MAL: variants seen among roughly 807,000 people sequenced by gnomAD.
The protein encoded by MAL is mal, T cell differentiation protein (MAL blood group), also known as myelin and lymphocyte protein.
A neutral mutation model predicts 16.7 loss-of-function variants in MAL; 5 were observed. That is an observed-to-expected ratio of 0.30 (90% confidence interval 0.16 to 0.63). MAL has a LOEUF of 0.63. Ranked by LOEUF, MAL falls within the 30% of genes least tolerant of loss-of-function variation. MAL has a pLI of 0.82. For synonymous variants in MAL, 96 were observed against 85.5 expected (o/e 1.12, Z -0.67); for missense variants, 202 against 195.8 (o/e 1.03, Z -0.19).
chr2:95,025,855 C>T lies in MAL; in HGVS notation c.63C>T (p.Thr21=), dbSNP rs774420361. 19 of 1,576,214 alleles carry T rather than the reference C, an allele frequency of 1.2e-5. No homozygotes were observed. The highest frequency in any genetic ancestry group is 5.4e-5 in the African/African-American group (4 of 73,400). Residue 21 remains threonine (T), a synonymous_variant, in exon 1 of 4, where the codon ACC becomes ACT. Transcript: ENST00000309988. The surrounding 1 kb of genome is among the most constrained non-coding windows in gnomAD (Gnocchi z 5.6). ...TLPSGFSVFT[T]LPDLLFIFEF... ...CCAGTGGCTTCTCGGTCTTCACCAC[C>T]TTGCCCGACTTGCTCTTCATCTTTG...
At chr2:95,053,148 AC>A (rs1301356703) in intron 3 of MAL, 1 of 463,266 alleles carries the variant, frequency 2.2e-6, no homozygotes, top group African/African-American at 1.9e-5. Context: ...GGAGAGTCTT[AC>A]CTTCCACACC....
rs756474748 is a variant in MAL at position 95,025,806 on chromosome 2, C to T, written c.14C>T (p.Ala5Val). Reference protein sequence around the residue: MAPAAATGGSTLPSG... With the variant: MAPAVATGGSTLPSG... ...CAGCACGCCGTCATGGCCCCCGCAG[C>T]GGCGACGGGGGGCAGCACCCTGCCC... The change falls in exon 1 of 4, where the codon GCG (alanine) becomes GTG (valine). Residue 5 changes from alanine to valine, a missense_variant. Coordinates refer to ENST00000309988, the MANE Select transcript of MAL (RefSeq NM_002371.4). The surrounding 1 kb of genome is among the most constrained non-coding windows in gnomAD (Gnocchi z 5.6). The T allele has an allele frequency of 3.2e-6, 5 of 1,558,838 alleles. No individual in the cohort carries two copies. Among genetic ancestry groups the T allele is most frequent in the Non-Finnish European group, 4.3e-6 (5 of 1,152,784 alleles).
At chr2:95,043,200 G>T (rs1032927786) in intron 1 of MAL, among the ~76,000 whole-genome samples, 2 of 152,196 alleles carry the variant, frequency 1.3e-5, no homozygotes, top group Non-Finnish European at 2.9e-5. Flanking sequence ...TCTCTCCAAG[G>T]CTCGACTGAC....
At chr2:95,037,774 G>A (rs1375091205) in intron 1 of MAL, among the ~76,000 whole-genome samples, 4 of 151,966 alleles carry the variant, frequency 2.6e-5, no homozygotes, top group African/African-American at 9.7e-5. Flanking sequence ...GTGACTGAGT[G>A]AGTGACTGAG....
intron 1 of MAL, among the ~76,000 whole-genome samples, chr2:95,040,724 G>T (rs1674441288): frequency 6.6e-6 from 1 of 152,202 alleles, no homozygotes; most frequent in Middle Eastern, 3.2e-3. Context: ...ACGGGGATGA[G>T]TCCACATGCC....
chr2:95,047,364 T>C (rs967732237), intron 1 of MAL, among the ~76,000 whole-genome samples: 3 of 152,312 alleles, frequency 2.0e-5, no homozygotes, highest in Middle Eastern at 3.4e-3. Flanking sequence ...GTGCTTAGGA[T>C]AGTGCCTGGA....
At chr2:95,046,944 GAA>G (rs1674601991) in intron 1 of MAL, among the ~76,000 whole-genome samples, 1 of 139,704 alleles carries the variant, frequency 7.2e-6, no homozygotes, top group African/African-American at 2.7e-5. Flanking sequence ...GAGAAAGAAA[GAA>G]AGAGAAAAAA....
chr2:95,027,444 C>T (rs895144172), intron 1 of MAL, among the ~76,000 whole-genome samples: 14 of 152,210 alleles, frequency 9.2e-5, no homozygotes, highest in Admixed American at 4.6e-4. Flanking sequence ...AAAGTCACTT[C>T]TCCACCTCAC....
intron 1 of MAL, among the ~76,000 whole-genome samples, chr2:95,031,242 G>A (rs1558655980): frequency 6.6e-6 from 1 of 152,160 alleles, no homozygotes; most frequent in Non-Finnish European, 1.5e-5. Context: ...GATTTTGCTT[G>A]CACTAGAAGG....
At chr2:95,050,040 A>G (rs537793361) in intron 3 of MAL, among the ~76,000 whole-genome samples, 19 of 152,172 alleles carry the variant, frequency 1.2e-4, no homozygotes, top group Non-Finnish European at 2.2e-4. Context: ...CCTACAACCC[A>G]GGATTATGAC....
chr2:95,030,270 G>T (rs1354902220), intron 1 of MAL, among the ~76,000 whole-genome samples: 1 of 152,218 alleles, frequency 6.6e-6, no homozygotes, highest in Non-Finnish European at 1.5e-5. Context: ...AGCCACAGAG[G>T]CTGTGCCCCT....
chr2:95,053,493 T>C lies in MAL; in HGVS notation c.*38T>C. 1 of 1,475,118 alleles carries C rather than the reference T, an allele frequency of 6.8e-7. No individual in the cohort carries two copies. Among genetic ancestry groups the C allele is most frequent in the South Asian group, 1.1e-5 (1 of 88,110 alleles). 91.4% of individuals were successfully genotyped at this position (1,475,118 alleles called of 1,614,324 possible). A position where few individuals can be genotyped will look rare whatever the true frequency, so the allele number is the denominator to read the frequency against. ...ACTTGAGCTGAAAACCCAGATGGTGTTAACTGGCCGCCCCACTTTCCGGCA... is the reference window on the plus strand; with the variant it reads ...ACTTGAGCTGAAAACCCAGATGGTGCTAACTGGCCGCCCCACTTTCCGGCA... On this transcript the variant is annotated 3_prime_UTR_variant, in exon 4 of 4. Coordinates refer to ENST00000309988, the MANE Select transcript of MAL (RefSeq NM_002371.4).
At chr2:95,043,311 C>T (rs976738317) in intron 1 of MAL, among the ~76,000 whole-genome samples, 2 of 152,272 alleles carry the variant, frequency 1.3e-5, no homozygotes, top group African/African-American at 4.8e-5. Flanking sequence ...CTGTCAGCCT[C>T]CTGCATGAAC....
At chr2:95,026,505 G>A (rs889281112) in intron 1 of MAL, 3 of 137,026 alleles carry the variant, frequency 2.2e-5, no homozygotes, top group African/African-American at 2.6e-5. Context: ...TGGAGGAGAT[G>A]GGGGGTGGGG....
chr2:95,028,526 C>T (rs1674003773), intron 1 of MAL, among the ~76,000 whole-genome samples: 1 of 152,066 alleles, frequency 6.6e-6, no homozygotes, highest in Non-Finnish European at 1.5e-5. Flanking sequence ...TTTGGTGTTC[C>T]CTCAAAAAAT....
intron 1 of MAL, among the ~76,000 whole-genome samples, chr2:95,040,412 C>T (rs1404478822): frequency 6.6e-6 from 1 of 152,134 alleles, no homozygotes; most frequent in African/African-American, 2.4e-5. Context: ...CACACACACA[C>T]ATACACATAC....
intron 1 of MAL, among the ~76,000 whole-genome samples, chr2:95,027,463 C>T (rs1673970306): frequency 6.6e-6 from 1 of 152,186 alleles, no homozygotes; most frequent in Admixed American, 6.5e-5. Flanking sequence ...ACCCCTGTTC[C>T]CCACCTCCCT....
rs565073649 is a variant in MAL at position 95,053,577 on chromosome 2, C to G, written c.*122C>G. 1.8e-5 allele frequency: 13 copies of G among 740,362 alleles called. No individual in the cohort carries two copies. Among genetic ancestry groups the G allele is most frequent in the South Asian group, 5.2e-5 (3 of 57,294 alleles). 45.9% of individuals were successfully genotyped at this position (740,362 alleles called of 1,614,324 possible). ...TGGAAAAAAGAAAACAACCACCCCCCCACTGCCCAAAAAAAAAAGCCCTGC... is the reference window on the plus strand; with the variant it reads ...TGGAAAAAAGAAAACAACCACCCCCGCACTGCCCAAAAAAAAAAGCCCTGC... On this transcript the variant is annotated 3_prime_UTR_variant, in exon 4 of 4. Transcript: ENST00000309988.
chr2:95,044,683 G>A (rs923049370), intron 1 of MAL: 2 of 152,260 alleles, frequency 1.3e-5, no homozygotes, highest in Non-Finnish European at 2.9e-5. Context: ...GGGGAGCATG[G>A]AATTTCCCAG....
Sources: gnomAD v4.1 joint callset for allele counts (sites outside exome capture counted in the v4.1 genomes callset) on GRCh38, gnomAD v4.1.1 for gene constraint, Gnocchi (gnomAD v3.1) non-coding constraint, MANE v1.5 for transcripts, NCBI Gene and HGNC (gene_info 2026-07-23, HGNC 2026-07-21) for gene names.